The following SHISA9 variants were observed in gnomAD, a reference collection of about 807,000 sequenced individuals.
The protein encoded by SHISA9 is protein shisa-9.
In SHISA9, 13 loss-of-function variants were observed where a neutral mutation model predicts 38.0. The observed-to-expected ratio is 0.34, with a 90% confidence interval of 0.22 to 0.54. SHISA9 has a LOEUF of 0.54. Among genes scored for constraint, SHISA9 ranks in the 20% least tolerant of loss-of-function variants. The pLI is 0.91. For missense variants in SHISA9, 538 were observed against 575.8 expected (o/e 0.93, Z 0.67); for synonymous variants, 275 against 242.0 (o/e 1.14, Z -1.27).
chr16:13,112,519 C>G (rs2073988997), intron 2 of SHISA9, among the ~76,000 whole-genome samples: 1 of 152,116 alleles, frequency 6.6e-6, no homozygotes, highest in African/African-American at 2.4e-5. Flanking sequence ...CATTCTGGGA[C>G]CCCACGCCAC....
At chr16:13,276,400 A>G in the SHISA9 span, among the ~76,000 whole-genome samples, 1 of 152,052 alleles carries the variant, frequency 6.6e-6, no homozygotes, top group South Asian at 2.1e-4. Context: ...TCTTTTTCGT[A>G]TAATGACTTC....
chr16:13,176,055 T>C (rs2050728956), intron 2 of SHISA9, among the ~76,000 whole-genome samples: 1 of 152,232 alleles, frequency 6.6e-6, no homozygotes, highest in Non-Finnish European at 1.5e-5. Context: ...AAGTTACATT[T>C]AAATGTAACT....
At chr16:13,136,159 G>C (rs1032697869) in intron 2 of SHISA9, among the ~76,000 whole-genome samples, 3 of 152,122 alleles carry the variant, frequency 2.0e-5, no homozygotes, top group African/African-American at 7.2e-5. Context: ...TTTCAATCTA[G>C]AGAGACTTGG....
intron 2 of SHISA9, among the ~76,000 whole-genome samples, chr16:13,193,021 C>T (rs1176784650): frequency 6.6e-6 from 1 of 152,168 alleles, no homozygotes; most frequent in Non-Finnish European, 1.5e-5. Context: ...GCAGTTTTCT[C>T]ATCTGACTGG....
chr16:13,447,127 CT>C, the SHISA9 span, among the ~76,000 whole-genome samples: 1 of 151,992 alleles, frequency 6.6e-6, no homozygotes, highest in East Asian at 1.9e-4. Flanking sequence ...AAGATGGCAT[CT>C]TGGCACATGT....
At chr16:13,247,964 G>T in the SHISA9 span, among the ~76,000 whole-genome samples, 2 of 152,202 alleles carry the variant, frequency 1.3e-5, no homozygotes, top group African/African-American at 4.8e-5. Context: ...TTATTTTCTG[G>T]TAATTTGAAG....
chr16:13,196,347 A>G (rs1313592701), intron 2 of SHISA9, among the ~76,000 whole-genome samples: 1 of 146,978 alleles, frequency 6.8e-6, no homozygotes, highest in Non-Finnish European at 1.5e-5. Context: ...CAGTGAGCCG[A>G]GATTGCACCA....
At chr16:13,446,035 C>T in the SHISA9 span, among the ~76,000 whole-genome samples, 1 of 152,084 alleles carries the variant, frequency 6.6e-6, no homozygotes. Flanking sequence ...CTCCGACTCC[C>T]TGGTTCAAGT....
At chr16:13,421,491 A>G in the SHISA9 span, among the ~76,000 whole-genome samples, 1 of 152,182 alleles carries the variant, frequency 6.6e-6, no homozygotes, top group Non-Finnish European at 1.5e-5. Context: ...TACCACGAGA[A>G]CAGTATGGGG....
At chr16:12,970,481 ATATATATATATATATATTTT>A (rs2072061406) in intron 2 of SHISA9, among the ~76,000 whole-genome samples, 1 of 20,956 alleles carries the variant, frequency 4.8e-5, no homozygotes, top group Non-Finnish European at 8.9e-5. Context: ...ATATATATAT[ATATATATATATATATATTTT>A]TTTTTTTTTT....
At chr16:13,012,963 C>T (rs993321922) in intron 2 of SHISA9, among the ~76,000 whole-genome samples, 2 of 152,286 alleles carry the variant, frequency 1.3e-5, no homozygotes, top group African/African-American at 2.4e-5. Flanking sequence ...AGGCTATTTT[C>T]GGCATCCCGG....
chr16:13,448,226 T>C, the SHISA9 span, among the ~76,000 whole-genome samples: 1 of 152,162 alleles, frequency 6.6e-6, no homozygotes, highest in Non-Finnish European at 1.5e-5. Flanking sequence ...TTTGGAGGTG[T>C]CCTATAGAGA....
At chr16:13,101,020 T>G (rs746711774) in intron 2 of SHISA9, among the ~76,000 whole-genome samples, 3 of 152,222 alleles carry the variant, frequency 2.0e-5, no homozygotes, top group East Asian at 1.9e-4. Context: ...TTAGATTCCA[T>G]ATCTAGGTGG....
In SHISA9 at chr16:13,002,680, G is replaced by A. The variant is rs533268850; in HGVS notation, c.691+85865G>A. On this transcript the variant is annotated intron_variant, in intron 2 of 4. Coordinates refer to ENST00000558583, the MANE Select transcript of SHISA9 (RefSeq NM_001145204.3). ...CCTGAGTAGCTGGGATTACAGATGC[G>A]CACCACCGCACTGGGCTAATTTTTG... Among the ~76,000 whole-genome samples, 18 of 151,584 alleles carry A rather than the reference G, an allele frequency of 1.2e-4. No homozygotes were observed. In the South Asian group the frequency reaches 3.4e-3, roughly 28 times the overall value.
intron 2 of SHISA9, among the ~76,000 whole-genome samples, chr16:12,952,118 T>C (rs1281001081): frequency 2.0e-5 from 3 of 152,242 alleles, no homozygotes; most frequent in African/African-American, 7.2e-5. Context: ...ATGGAATTTT[T>C]CAATTGAGAG....
At chr16:12,918,515 G>A (rs980897324) in intron 2 of SHISA9, among the ~76,000 whole-genome samples, 1 of 152,182 alleles carries the variant, frequency 6.6e-6, no homozygotes, top group Non-Finnish European at 1.5e-5. Flanking sequence ...CATTCCATCA[G>A]GTGGGCGGGA....
intron 2 of SHISA9, among the ~76,000 whole-genome samples, chr16:13,003,883 TAATAATAAG>T (rs1211725591): frequency 5.8e-4 from 85 of 147,208 alleles, no homozygotes; most frequent in Non-Finnish European, 1.0e-3. Flanking sequence ...ATAATAATAA[TAATAATAAG>T]AAGAAGAAGA....
chr16:13,238,931 C>T lies in SHISA9; in HGVS notation c.*3522C>T, dbSNP rs1278545451. The T allele has an allele frequency of 6.7e-6, 1 of 149,264 alleles. No individual in the cohort carries two copies. Among genetic ancestry groups the T allele is most frequent in the Non-Finnish European group, 1.5e-5 (1 of 67,498 alleles). The allele number at this position is 149,264 out of a possible 1,614,324, so 9.2% of individuals were successfully genotyped here. A position where few individuals can be genotyped will look rare whatever the true frequency, so the allele number is the denominator to read the frequency against. Reference sequence around the variant, plus strand: ...ACACGTGTCATGCTGGTGTGCTGCACCCATTAACTCGTCATTTAGCATTAG... The same window carrying T: ...ACACGTGTCATGCTGGTGTGCTGCATCCATTAACTCGTCATTTAGCATTAG... On this transcript the variant is annotated 3_prime_UTR_variant, in exon 5 of 5. Coordinates refer to ENST00000558583, the MANE Select transcript of SHISA9 (RefSeq NM_001145204.3).
chr16:13,357,252 G>A, the SHISA9 span, among the ~76,000 whole-genome samples: 6 of 152,290 alleles, frequency 3.9e-5, no homozygotes, highest in Middle Eastern at 3.4e-3. Flanking sequence ...GTCCGTGACC[G>A]GCGCCGGAGT....
Sources: gnomAD v4.1 joint callset for allele counts (sites outside exome capture counted in the v4.1 genomes callset) on GRCh38, gnomAD v4.1.1 for gene constraint, MANE v1.5 for transcripts, NCBI Gene and HGNC (gene_info 2026-07-23, HGNC 2026-07-21) for gene names.